The following SORCS1 variants were observed in gnomAD, a reference collection of about 807,000 sequenced individuals.
SORCS1 encodes VPS10 domain-containing receptor SorCS1.
SORCS1 carries 60 observed loss-of-function variants against 146.1 expected under a neutral mutation model. That is an observed-to-expected ratio of 0.41 (90% confidence interval 0.33 to 0.51). The LOEUF (loss-of-function observed/expected upper bound fraction) is 0.51. Ranked by LOEUF, SORCS1 falls within the 20% of genes least tolerant of loss-of-function variation. The pLI is 0.21. For synonymous variants in SORCS1, 637 were observed against 584.0 expected (o/e 1.09, Z -1.31); for missense variants, 1,352 against 1,487.6 (o/e 0.91, Z 1.50).
chr10:106,793,152 A>C (rs1946396979), intron 3 of SORCS1, among the ~76,000 whole-genome samples: 1 of 152,212 alleles, frequency 6.6e-6, no homozygotes, highest in Non-Finnish European at 1.5e-5. Flanking sequence ...AATGTACAAA[A>C]TTTTACTAGA....
intron 16 of SORCS1, 110 bp from the exon 17 acceptor site, chr10:106,667,912 CAAAAAT>C (rs1320628914): frequency 2.0e-6 from 1 of 494,202 alleles, no homozygotes; most frequent in Non-Finnish European, 3.3e-6. Flanking sequence ...TCATAACAAA[CAAAAAT>C]AAAAACAAAA....
intron 3 of SORCS1, among the ~76,000 whole-genome samples, chr10:106,805,123 T>G (rs1308722072): frequency 6.6e-6 from 1 of 152,220 alleles, no homozygotes; most frequent in Non-Finnish European, 1.5e-5. Context: ...GTATTTTATC[T>G]CAATATACAG....
At chr10:106,809,984 G>T (rs756973387) in intron 3 of SORCS1, among the ~76,000 whole-genome samples, 1 of 152,172 alleles carries the variant, frequency 6.6e-6, no homozygotes, top group Non-Finnish European at 1.5e-5. Flanking sequence ...ATTTCGGAAG[G>T]CAGAGGCGGG....
At chr10:107,160,623 A>C (rs1405065359) in intron 1 of SORCS1, among the ~76,000 whole-genome samples, 1 of 152,238 alleles carries the variant, frequency 6.6e-6, no homozygotes, top group South Asian at 2.1e-4. Flanking sequence ...AATAGAAGTC[A>C]AGTAAAACCC....
At chr10:106,822,781 G>GTT (rs1564699805) in intron 3 of SORCS1, among the ~76,000 whole-genome samples, 2 of 118,084 alleles carry the variant, frequency 1.7e-5, no homozygotes, top group East Asian at 5.2e-4. Flanking sequence ...ATTCATGTGT[G>GTT]GTTTTTTTTT....
At chr10:107,082,104 A>T (rs925401241) in intron 1 of SORCS1, among the ~76,000 whole-genome samples, 1 of 152,028 alleles carries the variant, frequency 6.6e-6, no homozygotes, top group Non-Finnish European at 1.5e-5. Flanking sequence ...GTTTTCCTTC[A>T]ATTTAATTTC....
intron 2 of SORCS1, among the ~76,000 whole-genome samples, chr10:106,928,330 C>T (rs1174697450): frequency 2.0e-5 from 3 of 152,210 alleles, no homozygotes; most frequent in South Asian, 2.1e-4. Flanking sequence ...GTACACCCTC[C>T]GCAGCCGCTG....
chr10:106,958,644 G>A (rs1479833065), intron 1 of SORCS1, among the ~76,000 whole-genome samples: 11 of 125,742 alleles, frequency 8.7e-5, no homozygotes. Context: ...CTAAACTACA[G>A]CACAGCTTCC....
At chr10:107,084,638 G>T (rs1410904840) in intron 1 of SORCS1, among the ~76,000 whole-genome samples, 1 of 152,040 alleles carries the variant, frequency 6.6e-6, no homozygotes, top group Non-Finnish European at 1.5e-5. Flanking sequence ...GTTAATAATA[G>T]TCTACAATAG....
At chr10:106,956,429 T>A in intron 2 of SORCS1, 84 bp downstream of exon 2, 1 of 1,274,032 alleles carries the variant, frequency 7.8e-7, no homozygotes, top group South Asian at 1.3e-5. Context: ...GGAACCTTCC[T>A]GCCAGGAAAA....
At chr10:106,864,400 C>T (rs2137484118) in intron 2 of SORCS1, among the ~76,000 whole-genome samples, 1 of 152,184 alleles carries the variant, frequency 6.6e-6, no homozygotes, top group African/African-American at 2.4e-5. Context: ...CAGAAGATCC[C>T]CATGTGAACC....
In SORCS1 at chr10:106,612,027, G is replaced by A. The variant is rs763336131; in HGVS notation, c.2921-4C>T. 1 of 1,609,120 alleles carries A rather than the reference G, an allele frequency of 6.2e-7. No individual in the cohort carries two copies. The highest frequency in any genetic ancestry group is 8.5e-7 in the Non-Finnish European group (1 of 1,175,532). ...AAGCGAAGAGACCGGAATTCCTCTG[G>A]GGATATAACAGTAGATGGAGTACTA... On this transcript the variant is annotated splice_region_variant and splice_polypyrimidine_tract_variant and intron_variant, in intron 21 of 25. Transcript: ENST00000263054.
At chr10:106,892,878 G>A (rs2137919349) in intron 2 of SORCS1, among the ~76,000 whole-genome samples, 1 of 146,558 alleles carries the variant, frequency 6.8e-6, no homozygotes, top group Non-Finnish European at 1.5e-5. Flanking sequence ...AGAAAAAAAA[G>A]AGGCATTTGG....
chr10:106,620,781 C>T (rs1444240459), intron 19 of SORCS1, among the ~76,000 whole-genome samples: 3 of 151,826 alleles, frequency 2.0e-5, no homozygotes, highest in African/African-American at 2.4e-5. Flanking sequence ...TCTACCAGTT[C>T]TAACACCTGA....
chr10:106,820,418 T>A (rs1360194099), intron 3 of SORCS1, among the ~76,000 whole-genome samples: 3 of 152,036 alleles, frequency 2.0e-5, no homozygotes, highest in African/African-American at 7.2e-5. Flanking sequence ...CCCAGTAAAG[T>A]AGGGAAGTGA....
At chr10:107,032,950 C>T (rs148621410) in intron 1 of SORCS1, among the ~76,000 whole-genome samples, 148 of 152,232 alleles carry the variant, frequency 9.7e-4, no homozygotes, top group Non-Finnish European at 1.6e-3. Flanking sequence ...GCCTGTACAA[C>T]GAGCTCACCA....
intron 1 of SORCS1, among the ~76,000 whole-genome samples, chr10:107,163,645 G>C (rs1169862817): frequency 6.6e-6 from 1 of 152,174 alleles, no homozygotes; most frequent in African/African-American, 2.4e-5. Context: ...TTTCATCTCT[G>C]TATTAGGAGA....
intron 1 of SORCS1, among the ~76,000 whole-genome samples, chr10:107,094,558 A>C (rs1380620739): frequency 6.6e-6 from 1 of 152,226 alleles, no homozygotes; most frequent in African/African-American, 2.4e-5. Flanking sequence ...ACTTTCAAAA[A>C]ATGGTTTTTA....
At chr10:106,651,778 A>G (rs1208371334) in intron 18 of SORCS1, among the ~76,000 whole-genome samples, 2 of 152,242 alleles carry the variant, frequency 1.3e-5, no homozygotes, top group Non-Finnish European at 2.9e-5. Context: ...TCTAAAATAT[A>G]TAAGATAAAT....
Sources: gnomAD v4.1 joint callset for allele counts (sites outside exome capture counted in the v4.1 genomes callset) on GRCh38, gnomAD v4.1.1 for gene constraint, MANE v1.5 for transcripts, NCBI Gene and HGNC (gene_info 2026-07-23, HGNC 2026-07-21) for gene names.